The following LRCH1 variants were observed in gnomAD, a reference collection of about 807,000 sequenced individuals.
LRCH1 encodes leucine-rich repeat and calponin homology domain-containing protein 1.
In LRCH1, 23 loss-of-function variants were observed where a neutral mutation model predicts 94.9. The ratio of observed to expected loss-of-function variants is 0.24; its 90% CI spans 0.17 to 0.34. The LOEUF (loss-of-function observed/expected upper bound fraction) is 0.34, where lower values mean the gene tolerates loss of function less well. Among genes scored for constraint, LRCH1 ranks in the 10% least tolerant of loss-of-function variants. The pLI is 1.00. For missense variants in LRCH1, 790 were observed against 945.9 expected, an observed-to-expected ratio of 0.84 and a Z score of 2.16; for synonymous variants, 364 against 354.9, an observed-to-expected ratio of 1.03 and a Z score of -0.29.
At chr13:46,741,287 A>G (rs746567035) in intron 19 of LRCH1, among the ~76,000 whole-genome samples, 18 of 152,192 alleles carry the variant, frequency 1.2e-4, no homozygotes, top group Non-Finnish European at 2.9e-5. Context: ...GTTAAGTTGA[A>G]ATGTCCCACG....
intron 1 of LRCH1, among the ~76,000 whole-genome samples, chr13:46,643,225 AGCTCTTATT>A (rs1949551315): frequency 6.6e-6 from 1 of 152,118 alleles, no homozygotes; most frequent in South Asian, 2.1e-4. Context: ...GTTATCTATG[AGCTCTTATT>A]CTTTCTGTCT....
chr13:46,743,780 C>G lies in LRCH1; in HGVS notation c.*1932C>G. 1.0e-6 allele frequency: 1 copy of G among 983,402 alleles called. No homozygotes were observed. Among genetic ancestry groups the G allele is most frequent in the African/African-American group, 1.8e-5 (1 of 57,078 alleles). 60.9% of individuals were successfully genotyped at this position (983,402 alleles called of 1,614,324 possible). ...CTGGGTTGCCACCTTAAAATAATATCAATAAAAACTGAGTAGGACACTCAT... is the reference window on the plus strand; with the variant it reads ...CTGGGTTGCCACCTTAAAATAATATGAATAAAAACTGAGTAGGACACTCAT... On this transcript the variant is annotated 3_prime_UTR_variant, in exon 20 of 20. Transcript: ENST00000389797.
chr13:46,625,982 A>G (rs1459302353), intron 1 of LRCH1, among the ~76,000 whole-genome samples: 1 of 152,102 alleles, frequency 6.6e-6, no homozygotes, highest in East Asian at 1.9e-4. Context: ...CACTCAGACT[A>G]TGGTATTTTT....
At chr13:46,718,603 A>G (rs148324965) in intron 16 of LRCH1, among the ~76,000 whole-genome samples, 13 of 152,342 alleles carry the variant, frequency 8.5e-5, no homozygotes, top group African/African-American at 1.4e-4. Flanking sequence ...GTCTAAGACC[A>G]TAGAGAAGAA....
chr13:46,590,628 A>G (rs984322246), intron 1 of LRCH1, among the ~76,000 whole-genome samples: 8 of 152,192 alleles, frequency 5.3e-5, no homozygotes, highest in Non-Finnish European at 8.8e-5. Context: ...TTGCAGCACT[A>G]CACTGCAGCC....
intron 1 of LRCH1, among the ~76,000 whole-genome samples, chr13:46,587,682 A>G (rs1594265479): frequency 6.6e-6 from 1 of 152,336 alleles, no homozygotes; most frequent in East Asian, 1.9e-4. Flanking sequence ...CTGTTGTTGT[A>G]TAATAAACTT....
intron 1 of LRCH1, among the ~76,000 whole-genome samples, chr13:46,642,679 T>G (rs1441784872): frequency 6.6e-6 from 1 of 152,218 alleles, no homozygotes; most frequent in Non-Finnish European, 1.5e-5. Flanking sequence ...CAAATCAGCT[T>G]ATTTCTCAGG....
chr13:46,664,622 T>C (rs2051491885), intron 2 of LRCH1, among the ~76,000 whole-genome samples: 1 of 152,146 alleles, frequency 6.6e-6, no homozygotes, highest in East Asian at 1.9e-4. Context: ...TTAAAGAAGG[T>C]ATCGTTGTCA....
intron 13 of LRCH1, among the ~76,000 whole-genome samples, chr13:46,710,029 TA>T (rs1871977858): frequency 6.6e-6 from 1 of 152,246 alleles, no homozygotes; most frequent in Non-Finnish European, 1.5e-5. Context: ...CATAGCCCTA[TA>T]TTAATTCACC....
At chr13:46,670,914 C>T (rs764188633) in intron 3 of LRCH1, among the ~76,000 whole-genome samples, 3 of 152,148 alleles carry the variant, frequency 2.0e-5, no homozygotes, top group South Asian at 2.1e-4. Flanking sequence ...AGTAGGAAGC[C>T]GTTTAATCCT....
intron 1 of LRCH1, among the ~76,000 whole-genome samples, chr13:46,620,019 A>T (rs531198794): frequency 1.3e-5 from 2 of 152,308 alleles, no homozygotes; most frequent in Admixed American, 1.3e-4. Context: ...TTAAATTATG[A>T]ATAGAGATAA....
At chr13:46,645,413 G>A (rs2138070127) in intron 1 of LRCH1, among the ~76,000 whole-genome samples, 1 of 152,204 alleles carries the variant, frequency 6.6e-6, no homozygotes, top group East Asian at 1.9e-4. Context: ...TTACAGTATT[G>A]GTGGGTTTAT....
Position 46,685,912 on chromosome 13 carries a change from A to C in LRCH1, c.693A>C (p.Val231=). The stretch of plus-strand genomic sequence containing the variant: ...TTTTTTCTATTATTTTAGAACTAGT[A>C]GATCTTTCCTTGGTAAAGTTTGACT... ...NYLKVLPQEL[V]DLSLVKFDFS... The change falls in exon 5 of 20, where the codon GTA becomes GTC. Residue 231 remains valine, a synonymous_variant. Coordinates refer to ENST00000389797, the MANE Select transcript of LRCH1 (RefSeq NM_001164211.2). 6.3e-7 allele frequency: 1 copy of C among 1,587,328 alleles called. No individual in the cohort carries two copies. The highest frequency in any genetic ancestry group is 1.4e-5 in the African/African-American group (1 of 73,688).
At chr13:46,658,029 C>T (rs1411518248) in intron 2 of LRCH1, among the ~76,000 whole-genome samples, 1 of 152,144 alleles carries the variant, frequency 6.6e-6, no homozygotes, top group Non-Finnish European at 1.5e-5. Context: ...ACCTCTGTTA[C>T]CTTGTTGAAC....
intron 1 of LRCH1, among the ~76,000 whole-genome samples, chr13:46,556,535 C>G (rs1165215163): frequency 1.3e-5 from 2 of 152,054 alleles, no homozygotes; most frequent in African/African-American, 4.8e-5. Flanking sequence ...TGGAAAGGGA[C>G]AAAACAGAAG....
intron 1 of LRCH1, among the ~76,000 whole-genome samples, chr13:46,633,052 A>C (rs1031066686): frequency 6.6e-6 from 1 of 152,242 alleles, no homozygotes; most frequent in African/African-American, 2.4e-5. Flanking sequence ...CTTAACATTC[A>C]TGCTTCCACA....
At chr13:46,571,038 G>A (rs1474251836) in intron 1 of LRCH1, among the ~76,000 whole-genome samples, 1 of 152,170 alleles carries the variant, frequency 6.6e-6, no homozygotes, top group African/African-American at 2.4e-5. Flanking sequence ...CCTCTCCATT[G>A]GTGGATTTGC....
chr13:46,646,013 G>A (rs143264895), intron 1 of LRCH1, among the ~76,000 whole-genome samples: 6 of 152,062 alleles, frequency 3.9e-5, no homozygotes, highest in Non-Finnish European at 5.9e-5. Context: ...ATAAGTTTTC[G>A]GGGCAAACTT....
chr13:46,726,698 AG>A (rs1465647908), intron 17 of LRCH1, among the ~76,000 whole-genome samples: 3 of 152,024 alleles, frequency 2.0e-5, no homozygotes, highest in Non-Finnish European at 4.4e-5. Context: ...GTTTCAGTGG[AG>A]ACCACGTGGG....
Sources: gnomAD v4.1 joint callset for allele counts (sites outside exome capture counted in the v4.1 genomes callset) on GRCh38, gnomAD v4.1.1 for gene constraint, MANE v1.5 for transcripts, NCBI Gene and HGNC (gene_info 2026-07-23, HGNC 2026-07-21) for gene names.